The following SNX25 variants were observed in gnomAD, a reference collection of about 807,000 sequenced individuals.
SNX25 encodes sorting nexin 25.
Under a neutral mutation model 113.7 loss-of-function variants are expected in SNX25, and 62 were observed. The ratio of observed to expected loss-of-function variants is 0.55; its 90% confidence interval spans 0.44 to 0.67. The LOEUF is 0.67. Ranked by LOEUF, SNX25 falls within the 30% of genes least tolerant of loss-of-function variation. The pLI, the probability that SNX25 is intolerant of heterozygous loss-of-function variation, is 0.00. For missense variants in SNX25, 1,014 were observed against 1,161.0 expected, an observed-to-expected ratio of 0.87 and a Z score of 1.84; for synonymous variants, 421 against 436.2, an observed-to-expected ratio of 0.97 and a Z score of 0.43.
the SNX25 span, chr4:185,375,516 G>GTATATATA: frequency 2.7e-3 from 128 of 46,680 alleles, 4 homozygotes; most frequent in African/African-American, 6.7e-3. Flanking sequence ...ATATATATAT[G>GTATATATA]TATATATATA....
intron 10 of SNX25, among the ~76,000 whole-genome samples, chr4:185,333,848 A>G (rs568763910): frequency 2.0e-5 from 3 of 152,116 alleles, no homozygotes; most frequent in African/African-American, 7.2e-5. Context: ...GTTTGAGACC[A>G]GCCTGGGCAA....
intron 10 of SNX25, among the ~76,000 whole-genome samples, chr4:185,336,719 T>A (rs1377984459): frequency 2.6e-5 from 4 of 152,230 alleles, no homozygotes; most frequent in Non-Finnish European, 5.9e-5. Flanking sequence ...ATCTTTTAGC[T>A]CTTTAAGGAA....
chr4:185,306,653 T>C (rs1360579123), intron 6 of SNX25, among the ~76,000 whole-genome samples: 3 of 152,254 alleles, frequency 2.0e-5, no homozygotes, highest in Non-Finnish European at 2.9e-5. Flanking sequence ...TAGGTTTGTT[T>C]TATAAATAAG....
chr4:185,227,180 CTG>C (rs1327610598), intron 1 of SNX25, among the ~76,000 whole-genome samples: 1 of 152,266 alleles, frequency 6.6e-6, no homozygotes, highest in Non-Finnish European at 1.5e-5. Flanking sequence ...TCACATCTTA[CTG>C]GCCAGGTTTG....
At chr4:185,302,361 C>A (rs1753822984) in intron 6 of SNX25, among the ~76,000 whole-genome samples, 1 of 152,142 alleles carries the variant, frequency 6.6e-6, no homozygotes, top group South Asian at 2.1e-4. Context: ...GAGGCCTAGA[C>A]TTGCAACTAG....
At chr4:185,371,540 TA>T (rs11288148), downstream of SNX25, among the ~76,000 whole-genome samples, 56,482 of 78,276 alleles carry the variant, frequency 0.72, 19,819 homozygotes, top group East Asian at 0.88. Context: ...AGACTCCGTC[TA>T]AAAAAAAAAA....
chr4:185,300,718 A>G (rs1753541244), intron 6 of SNX25, among the ~76,000 whole-genome samples: 2 of 152,082 alleles, frequency 1.3e-5, no homozygotes. Context: ...CCCCAAATTC[A>G]TATGTTGAAA....
At chr4:185,267,219 T>TAAAA in intron 5 of SNX25, 64 bp downstream of exon 5, 1 of 1,302,188 alleles carries the variant, frequency 7.7e-7, no homozygotes. Flanking sequence ...CTAGTTAGGT[T>TAAAA]AAAAAAAAAA....
intron 9 of SNX25, among the ~76,000 whole-genome samples, chr4:185,328,060 G>A (rs2095168921): frequency 1.3e-5 from 2 of 152,154 alleles, no homozygotes; most frequent in Non-Finnish European, 2.9e-5. Context: ...TTTGATTTAA[G>A]CACTTATTTT....
At chr4:185,238,412 G>C (rs3108284) in intron 1 of SNX25, among the ~76,000 whole-genome samples, 98,519 of 151,904 alleles carry the variant, frequency 0.65, 32,110 homozygotes, top group East Asian at 0.76. Context: ...GGTGGCCTTT[G>C]AAGTTTCTTA....
At chr4:185,223,288 C>T (rs1740291511) in intron 1 of SNX25, among the ~76,000 whole-genome samples, 1 of 152,118 alleles carries the variant, frequency 6.6e-6, no homozygotes, top group African/African-American at 2.4e-5. Flanking sequence ...AAAAGTTTCC[C>T]TTCTATCCTT....
downstream of SNX25, chr4:185,373,217 C>T (rs540878495): frequency 3.3e-4 from 249 of 762,796 alleles, 4 homozygotes; most frequent in African/African-American, 2.6e-3. Context: ...GGCCTTTGGA[C>T]GCATTTCACA....
rs1561046111 is a variant in SNX25, at chr4:185,351,468, G to A, written c.2325G>A (p.Leu775=). The A allele has an allele frequency of 6.2e-7, 1 of 1,614,046 alleles. No individual in the cohort carries two copies. The highest frequency in any genetic ancestry group is 8.5e-7 in the Non-Finnish European group (1 of 1,180,006). ...AGAATCTGCTTTCAGATGAAAGACT[G>A]TGTCAGAGTGAAGCACTTTATGCCT... The part of the protein sequence containing the change: ...FLQNLLSDER[L]CQSEALYAFL... Residue 775 remains leucine, a synonymous_variant, in exon 14 of 19, where the codon CTG becomes CTA. Transcript: ENST00000652585.
chr4:185,233,929 C>G (rs909100120), intron 1 of SNX25, among the ~76,000 whole-genome samples: 3 of 152,126 alleles, frequency 2.0e-5, no homozygotes, highest in African/African-American at 7.2e-5. Context: ...GCGATCTTGG[C>G]TCACTGTAAA....
chr4:185,247,038 C>T (rs1744958033), intron 1 of SNX25, among the ~76,000 whole-genome samples: 1 of 152,086 alleles, frequency 6.6e-6, no homozygotes, highest in Non-Finnish European at 1.5e-5. Flanking sequence ...TGTTTACTCC[C>T]TACCATTGTG....
chr4:185,262,354 A>G (rs1313830398), intron 3 of SNX25, among the ~76,000 whole-genome samples: 2 of 152,216 alleles, frequency 1.3e-5, no homozygotes, highest in South Asian at 2.1e-4. Context: ...GGGAAAATCT[A>G]AAAATGATTG....
chr4:185,299,303 C>T (rs944196517), intron 6 of SNX25, among the ~76,000 whole-genome samples: 3 of 152,102 alleles, frequency 2.0e-5, no homozygotes, highest in African/African-American at 7.2e-5. Context: ...GCTTGATATG[C>T]AGTGGAGAGA....
intron 3 of SNX25, among the ~76,000 whole-genome samples, chr4:185,261,300 C>G (rs1747311410): frequency 6.6e-6 from 1 of 152,174 alleles, no homozygotes; most frequent in African/African-American, 2.4e-5. Flanking sequence ...CCTTAGCCCC[C>G]TGAGTAGCTG....
At chr4:185,376,584 G>A in the SNX25 span, among the ~76,000 whole-genome samples, 4 of 151,518 alleles carry the variant, frequency 2.6e-5, no homozygotes, top group African/African-American at 4.9e-5. Context: ...GTGAGCCACC[G>A]CACCCGGCCT....
Sources: gnomAD v4.1 joint callset for allele counts (sites outside exome capture counted in the v4.1 genomes callset) on GRCh38, gnomAD v4.1.1 for gene constraint, MANE v1.5 for transcripts, NCBI Gene and HGNC (gene_info 2026-07-23, HGNC 2026-07-21) for gene names.